The following SKIC3 variants were observed in gnomAD, a reference collection of about 807,000 sequenced individuals.
SKIC3 encodes the protein superkiller complex protein 3.
chr5:95,492,654 A>G, the SKIC3 span, among the ~76,000 whole-genome samples: 1 of 54,112 alleles, frequency 1.8e-5, no homozygotes, highest in Non-Finnish European at 2.9e-5. Flanking sequence ...AAAAAAAAGA[A>G]AAAAAAAAAA....
At chr5:95,523,754 GT>G in the SKIC3 span, 1 of 1,613,636 alleles carries the variant, frequency 6.2e-7, no homozygotes, top group Non-Finnish European at 8.5e-7. Context: ...CACGAGCTCT[GT>G]TTTTATCTCC....
chr5:95,486,301 A>G, the SKIC3 span, among the ~76,000 whole-genome samples: 1 of 152,132 alleles, frequency 6.6e-6, no homozygotes, highest in Non-Finnish European at 1.5e-5. Flanking sequence ...ACTGTCAACC[A>G]CCATGAGCTG....
At chr5:95,469,686 C>T in the SKIC3 span, 5 of 1,568,200 alleles carry the variant, frequency 3.2e-6, no homozygotes, top group South Asian at 4.5e-5. Flanking sequence ...TGGTCTGTTA[C>T]AAACTTTAAA....
the SKIC3 span, among the ~76,000 whole-genome samples, chr5:95,505,705 C>T: frequency 9.8e-4 from 149 of 151,638 alleles, no homozygotes; most frequent in Non-Finnish European, 8.8e-5. Context: ...TCCAGCTACT[C>T]GGGAGGCTGA....
the SKIC3 span, among the ~76,000 whole-genome samples, chr5:95,553,591 G>C: frequency 6.6e-6 from 1 of 150,762 alleles, no homozygotes; most frequent in Non-Finnish European, 1.5e-5. Flanking sequence ...ATGGAGTTTT[G>C]CTCTTGTTGC....
the SKIC3 span, among the ~76,000 whole-genome samples, chr5:95,507,430 A>C: frequency 6.6e-5 from 10 of 152,294 alleles, no homozygotes; most frequent in Middle Eastern, 3.4e-3. Context: ...CATACAGAAA[A>C]ATATTTAAAG....
chr5:95,532,759 G>A, the SKIC3 span, among the ~76,000 whole-genome samples: 3 of 152,092 alleles, frequency 2.0e-5, no homozygotes, highest in East Asian at 1.9e-4. Flanking sequence ...TCTCAAAAAC[G>A]CAAGCCAGAT....
At chr5:95,526,138 C>T in the SKIC3 span, among the ~76,000 whole-genome samples, 1 of 152,158 alleles carries the variant, frequency 6.6e-6, no homozygotes, top group African/African-American at 2.4e-5. Flanking sequence ...TCAAATTTCT[C>T]AGTTGTCTCA....
the SKIC3 span, among the ~76,000 whole-genome samples, chr5:95,488,222 C>A: frequency 1.3e-5 from 2 of 151,712 alleles, no homozygotes; most frequent in East Asian, 3.9e-4. Context: ...TCCTAGAAGG[C>A]AAAAAGAAAA....
At chr5:95,498,648 C>T in the SKIC3 span, 19 of 1,402,704 alleles carry the variant, frequency 1.4e-5, no homozygotes, top group Admixed American at 8.0e-5. Flanking sequence ...TTTTTTGAGA[C>T]GGAGTCTCGC....
chr5:95,469,859 C>T, the SKIC3 span: 2 of 1,614,088 alleles, frequency 1.2e-6, no homozygotes, highest in Non-Finnish European at 1.7e-6. Context: ...TTCAAGGCCT[C>T]AGTTGTAGCC....
At chr5:95,466,268 C>T in the SKIC3 span, among the ~76,000 whole-genome samples, 36,570 of 151,990 alleles carry the variant, frequency 0.24, 5,733 homozygotes, top group African/African-American at 0.44. Flanking sequence ...TAGAAACTGT[C>T]ACATGTATTT....
At chr5:95,523,793 A>G in the SKIC3 span, 1 of 1,613,474 alleles carries the variant, frequency 6.2e-7, no homozygotes, top group Non-Finnish European at 8.5e-7. Flanking sequence ...AATGACCTAA[A>G]TAGCAGAAAA....
At chr5:95,553,858 ACT>A in the SKIC3 span, among the ~76,000 whole-genome samples, 2 of 152,064 alleles carry the variant, frequency 1.3e-5, no homozygotes, top group African/African-American at 4.8e-5. Flanking sequence ...CGCGCCCAAC[ACT>A]GTTTACGTTT....
chr5:95,537,610 A>G, the SKIC3 span, among the ~76,000 whole-genome samples: 1 of 152,222 alleles, frequency 6.6e-6, no homozygotes, highest in East Asian at 1.9e-4. Flanking sequence ...GATATGACTG[A>G]ACTGTTATGA....
the SKIC3 span, chr5:95,547,259 C>G: frequency 1.1e-6 from 1 of 885,492 alleles, no homozygotes. Flanking sequence ...GAAAAGACTC[C>G]TTCTCTCTGG....
chr5:95,512,685 G>A, the SKIC3 span: 3 of 1,564,284 alleles, frequency 1.9e-6, no homozygotes, highest in Non-Finnish European at 2.6e-6. Context: ...ATAATAAGAA[G>A]TAAAACAATG....
At chr5:95,479,160 A>T in the SKIC3 span, among the ~76,000 whole-genome samples, 1 of 152,318 alleles carries the variant, frequency 6.6e-6, no homozygotes, top group East Asian at 1.9e-4. Flanking sequence ...AACGTATAAA[A>T]ATCAACTGAA....
chr5:95,503,765 A>G, the SKIC3 span: 1 of 1,610,430 alleles, frequency 6.2e-7, no homozygotes, highest in Admixed American at 1.7e-5. Context: ...GCTCATCATG[A>G]TTAAACTCGA....
Sources: allele counts gnomAD v4.1 joint callset (sites outside exome capture counted in the v4.1 genomes callset), GRCh38; gene constraint gnomAD v4.1.1; transcripts MANE v1.5; gene names NCBI Gene and HGNC (gene_info 2026-07-23, HGNC 2026-07-21).